The following MACROD2 variants were observed in gnomAD, a reference collection of about 807,000 sequenced individuals.
MACROD2 encodes the protein mono-ADP ribosylhydrolase 2.
MACROD2 carries 36 observed loss-of-function variants against 70.4 expected under a neutral mutation model. The observed-to-expected ratio is 0.51, with a 90% confidence interval of 0.39 to 0.68. The LOEUF (loss-of-function observed/expected upper bound fraction) is 0.68. MACROD2 is among the 30% of genes least tolerant of loss of function. The pLI is 0.00. For missense variants in MACROD2, 496 were observed against 538.4 expected, an observed-to-expected ratio of 0.92 and a Z score of 0.78; for synonymous variants, 172 against 178.8, an observed-to-expected ratio of 0.96 and a Z score of 0.30.
In MACROD2 at chr20:15,278,586, C is replaced by A. The variant is rs1388439276; in HGVS notation, c.540+48525C>A. ...AGAAGTCAACGTACACATGATAAAA[C>A]AGGTAGCAATGGAGATCCATTATCT... On this transcript the variant is annotated intron_variant, in intron 6 of 17. Coordinates refer to ENST00000684519, the MANE Select transcript of MACROD2 (RefSeq NM_001351661.2). Among the ~76,000 whole-genome samples the A allele has an allele frequency of 2.0e-5, 3 of 152,176 alleles. No individual in the cohort carries two copies. The East Asian group carries it at 5.8e-4, about 29-fold the overall frequency.
intron 8 of MACROD2, among the ~76,000 whole-genome samples, chr20:15,603,012 T>A (rs1190502369): frequency 6.6e-6 from 1 of 152,090 alleles, no homozygotes; most frequent in Non-Finnish European, 1.5e-5. Flanking sequence ...AGTGTGGGTG[T>A]GAGTGAGGGC....
chr20:15,708,039 G>A (rs1313058562), intron 8 of MACROD2, among the ~76,000 whole-genome samples: 2 of 151,922 alleles, frequency 1.3e-5, no homozygotes, highest in Admixed American at 6.6e-5. Context: ...AGAAAATGCA[G>A]TGGTCCTGAG....
At chr20:14,138,806 C>CACACAT (rs1316120996) in intron 3 of MACROD2, among the ~76,000 whole-genome samples, 1 of 54,350 alleles carries the variant, frequency 1.8e-5, no homozygotes, top group Non-Finnish European at 4.5e-5. Flanking sequence ...CACACACACA[C>CACACAT]GGTAACTATG....
chr20:15,614,619 G>A (rs200745), intron 8 of MACROD2, among the ~76,000 whole-genome samples: 70,548 of 151,884 alleles, frequency 0.46, 16,674 homozygotes, highest in African/African-American at 0.56. Flanking sequence ...CTATTGCTCA[G>A]TATACCACAT....
intron 5 of MACROD2, among the ~76,000 whole-genome samples, chr20:15,054,049 CTT>C (rs1406406504): frequency 6.6e-6 from 1 of 152,140 alleles, no homozygotes; most frequent in African/African-American, 2.4e-5. Context: ...TTGGTGCACT[CTT>C]GTGATGAAAC....
At chr20:14,306,672 A>G (rs1415098671) in intron 3 of MACROD2, among the ~76,000 whole-genome samples, 2 of 152,088 alleles carry the variant, frequency 1.3e-5, no homozygotes, top group Admixed American at 1.3e-4. Flanking sequence ...TCTTCTAGGG[A>G]GAGGACAAGT....
chr20:15,613,900 G>A (rs1179630385), intron 8 of MACROD2, among the ~76,000 whole-genome samples: 2 of 152,230 alleles, frequency 1.3e-5, no homozygotes, highest in Non-Finnish European at 2.9e-5. Flanking sequence ...ATGGATTGCT[G>A]ACCTGCTGCT....
chr20:15,537,467 C>CT (rs35857138), intron 8 of MACROD2, among the ~76,000 whole-genome samples: 5,444 of 89,906 alleles, frequency 0.061, 255 homozygotes, highest in African/African-American at 0.078. Context: ...TCCCACTCAT[C>CT]TTTTTTTTTT....
At chr20:15,685,364 G>C (rs542679720) in intron 8 of MACROD2, among the ~76,000 whole-genome samples, 3 of 152,196 alleles carry the variant, frequency 2.0e-5, no homozygotes, top group South Asian at 2.1e-4. Flanking sequence ...TGTGCAACTA[G>C]CACTTCGAAA....
At chr20:16,000,892 G>A (rs892451800) in intron 15 of MACROD2, among the ~76,000 whole-genome samples, 6 of 152,152 alleles carry the variant, frequency 3.9e-5, no homozygotes. Context: ...AATTTAATTT[G>A]TACATTTATA....
At chr20:14,320,368 C>T (rs2082648010) in intron 3 of MACROD2, among the ~76,000 whole-genome samples, 2 of 152,146 alleles carry the variant, frequency 1.3e-5, no homozygotes, top group African/African-American at 2.4e-5. Flanking sequence ...GCATAGCCGT[C>T]TAACTTGTCT....
intron 8 of MACROD2, among the ~76,000 whole-genome samples, chr20:15,506,079 A>G (rs1402752590): frequency 6.6e-6 from 1 of 152,204 alleles, no homozygotes; most frequent in Non-Finnish European, 1.5e-5. Context: ...GCTCTGAGAC[A>G]GATGTCCAGC....
intron 3 of MACROD2, among the ~76,000 whole-genome samples, chr20:14,090,480 G>A (rs1271480091): frequency 6.6e-6 from 1 of 151,436 alleles, no homozygotes; most frequent in Admixed American, 6.6e-5. Flanking sequence ...GGCTGAGGCA[G>A]GAGAATCGCT....
At chr20:14,492,786 G>T (rs150629579) in intron 3 of MACROD2, among the ~76,000 whole-genome samples, 1 of 152,018 alleles carries the variant, frequency 6.6e-6, no homozygotes, top group Non-Finnish European at 1.5e-5. Context: ...GATAAATTTA[G>T]GCATAAGGTT....
chr20:15,316,102 A>T (rs1002298446), intron 6 of MACROD2, among the ~76,000 whole-genome samples: 26 of 78,398 alleles, frequency 3.3e-4, no homozygotes, highest in African/African-American at 1.1e-3. Flanking sequence ...ATGGCACACT[A>T]AAAAAAAAAA....
At chr20:15,293,031 A>G (rs78090759) in intron 6 of MACROD2, among the ~76,000 whole-genome samples, 2,391 of 152,180 alleles carry the variant, frequency 0.016, 59 homozygotes, top group African/African-American at 0.055. Context: ...GTGACAGAGA[A>G]CTCACTGCTT....
intron 2 of MACROD2, among the ~76,000 whole-genome samples, chr20:14,015,025 C>T (rs1378514280): frequency 3.4e-5 from 5 of 146,624 alleles, no homozygotes; most frequent in Non-Finnish European, 6.0e-5. Flanking sequence ...AGGCTAGTCT[C>T]GAACTCCTGG....
At chr20:14,926,380 T>C (rs1018187929) in intron 5 of MACROD2, among the ~76,000 whole-genome samples, 3 of 151,960 alleles carry the variant, frequency 2.0e-5, no homozygotes, top group Non-Finnish European at 4.4e-5. Context: ...AATCCCCGTC[T>C]CTACTAAAAA....
At chr20:15,062,188 T>C (rs2075538230) in intron 5 of MACROD2, among the ~76,000 whole-genome samples, 1 of 152,130 alleles carries the variant, frequency 6.6e-6, no homozygotes, top group South Asian at 2.1e-4. Context: ...TCTTAGATCC[T>C]GAAAATAGGT....
Sources: allele counts gnomAD v4.1 joint callset (sites outside exome capture counted in the v4.1 genomes callset), GRCh38; gene constraint gnomAD v4.1.1; transcripts MANE v1.5; gene names NCBI Gene and HGNC (gene_info 2026-07-23, HGNC 2026-07-21).